The following GNG4 variants were observed in gnomAD, a reference collection of about 807,000 sequenced individuals.
GNG4 encodes the protein guanine nucleotide-binding protein G(I)/G(S)/G(O) subunit gamma-4.
GNG4 carries 4 observed loss-of-function variants against 5.8 expected under a neutral mutation model. That is an observed-to-expected ratio of 0.69 (90% CI 0.34 to 1.57). GNG4 has a LOEUF of 1.57. Ranked by LOEUF, GNG4 falls within the 40% of genes most tolerant of loss-of-function variation. The pLI is 0.06. For missense variants in GNG4, 96 were observed against 95.1 expected (o/e 1.01, Z -0.04); for synonymous variants, 29 against 32.9 (o/e 0.88, Z 0.41).
Position 235,575,376 on chromosome 1 carries a change from G to A in GNG4, c.99+8364C>T, listed in dbSNP as rs897258207. ...GAGAGGTAGCCCCATTGTAAGTCAA[G>A]GGCCATGTGTAGCCAGTTCTCCTGC... On this transcript the variant is annotated intron_variant, in intron 3 of 3. Coordinates refer to ENST00000391854, the MANE Select transcript of GNG4 (RefSeq NM_001098722.2). 1.5e-4 allele frequency among the ~76,000 whole-genome samples: 23 copies of A among 152,262 alleles called. 1 individual carries two copies. Among genetic ancestry groups the A allele is most frequent in the Admixed American group, 8.5e-4 (13 of 15,300 alleles).
intron 1 of GNG4, among the ~76,000 whole-genome samples, chr1:235,596,399 T>C (rs1320388825): frequency 1.3e-5 from 2 of 151,934 alleles, no homozygotes; most frequent in Admixed American, 1.3e-4. Flanking sequence ...TAGCCAGGCG[T>C]GGTGGCACAT....
At chr1:235,637,473 C>T (rs757195837) in intron 1 of GNG4, among the ~76,000 whole-genome samples, 3 of 151,274 alleles carry the variant, frequency 2.0e-5, no homozygotes, top group Non-Finnish European at 4.4e-5. Context: ...GGCAACATGG[C>T]GAAACCCCTT....
chr1:235,553,149 C>A (rs1371853254), intron 3 of GNG4, among the ~76,000 whole-genome samples: 1 of 152,168 alleles, frequency 6.6e-6, no homozygotes, highest in Non-Finnish European at 1.5e-5. Context: ...TCTTTCCAGG[C>A]TTATCTGAAG....
chr1:235,645,420 A>G (rs1288274956), intron 1 of GNG4, among the ~76,000 whole-genome samples: 1 of 152,232 alleles, frequency 6.6e-6, no homozygotes. Flanking sequence ...GTGGGACACC[A>G]GAAGAAACAA....
At chr1:235,623,985 C>T (rs568039803) in intron 1 of GNG4, among the ~76,000 whole-genome samples, 4 of 152,290 alleles carry the variant, frequency 2.6e-5, no homozygotes, top group East Asian at 3.9e-4. Context: ...GAGCCGAAGA[C>T]GGAGGGTCCT....
intron 1 of GNG4, among the ~76,000 whole-genome samples, chr1:235,609,771 G>A (rs943292052): frequency 1.3e-5 from 2 of 151,956 alleles, no homozygotes; most frequent in Non-Finnish European, 2.9e-5. Flanking sequence ...GCCGGGTGTG[G>A]TGGCACACAC....
At position 235,630,406 on chromosome 1, in the gene GNG4, A is replaced by G. The variant is rs115914018; in HGVS notation, c.-123+19256T>C. On this transcript the variant is annotated intron_variant, in intron 1 of 3. Transcript: ENST00000391854. Reference sequence around the variant, plus strand: ...AGCAGCCTGTGACTCAACTACTTGAATAATCAAGACCAACAGCCTGATGAT... The same window carrying G: ...AGCAGCCTGTGACTCAACTACTTGAGTAATCAAGACCAACAGCCTGATGAT... Among the ~76,000 whole-genome samples, 678 of 152,352 alleles carry G rather than the reference A, an allele frequency of 4.5e-3. 7 individuals carry two copies. The highest frequency in any genetic ancestry group is 0.016 in the African/African-American group (653 of 41,580).
At chr1:235,625,828 A>G (rs1383663227) in intron 1 of GNG4, among the ~76,000 whole-genome samples, 1 of 152,178 alleles carries the variant, frequency 6.6e-6, no homozygotes, top group Non-Finnish European at 1.5e-5. Context: ...TTATTTATCC[A>G]TTCACCTACT....
chr1:235,575,868 G>A (rs1337256336), intron 3 of GNG4, among the ~76,000 whole-genome samples: 1 of 152,162 alleles, frequency 6.6e-6, no homozygotes, highest in Non-Finnish European at 1.5e-5. Context: ...CCTGTGTCCT[G>A]ACTCTGCCTG....
At chr1:235,568,386 A>G (rs571594965) in intron 3 of GNG4, among the ~76,000 whole-genome samples, 2 of 152,206 alleles carry the variant, frequency 1.3e-5, no homozygotes, top group African/African-American at 4.8e-5. Flanking sequence ...CTTTTGACTG[A>G]GCAGGCATTT....
chr1:235,552,130 C>T lies in GNG4; in HGVS notation c.207G>A (p.Lys69=), dbSNP rs1224282384. 6.2e-7 allele frequency: 1 copy of T among 1,613,806 alleles called. No homozygotes were observed. The highest frequency in any genetic ancestry group is 8.5e-7 in the Non-Finnish European group (1 of 1,179,746). The change falls in exon 4 of 4, where the codon AAG becomes AAA. Residue 69 remains lysine (K), a synonymous_variant. Transcript: ENST00000391854. The part of the protein sequence containing the change: ...PASENPFREK[K]FFCTIL ...GGAGTTAGAGAATGGTACAAAAGAA[C>T]TTCTTCTCGCGAAAGGGGTTTTCTG...
rs533877341 is a variant in GNG4, at chr1:235,581,493, C to T, written c.99+2247G>A. 5.3e-5 allele frequency among the ~76,000 whole-genome samples: 8 copies of T among 150,880 alleles called. No individual in the cohort carries two copies. In the East Asian group the frequency reaches 9.7e-4, roughly 18 times the overall value. On this transcript the variant is annotated intron_variant, in intron 3 of 3. Transcript: ENST00000391854. ...GCAGTGAGCCGAGATCACACCTGGG[C>T]GACAGAGCGAGACTCCGTCTCAAAA...
At chr1:235,593,586 A>T (rs952709106) in intron 2 of GNG4, among the ~76,000 whole-genome samples, 1 of 152,196 alleles carries the variant, frequency 6.6e-6, no homozygotes, top group Admixed American at 6.5e-5. Flanking sequence ...CCGCGCCGTG[A>T]GTGTTACAAT....
At chr1:235,626,958 C>CAAAAAA (rs776506587) in intron 1 of GNG4, among the ~76,000 whole-genome samples, 106 of 77,344 alleles carry the variant, frequency 1.4e-3, no homozygotes, top group Non-Finnish European at 1.9e-3. Flanking sequence ...GACTCTATCT[C>CAAAAAA]AAAAAAAAAA....
intron 1 of GNG4, among the ~76,000 whole-genome samples, chr1:235,634,471 A>G (rs148979136): frequency 9.8e-5 from 15 of 152,314 alleles, no homozygotes; most frequent in African/African-American, 3.4e-4. Flanking sequence ...TTTTCTATCA[A>G]CCGAGGGTCT....
intron 2 of GNG4, among the ~76,000 whole-genome samples, chr1:235,590,412 G>A (rs911112707): frequency 2.0e-5 from 3 of 151,822 alleles, no homozygotes; most frequent in Non-Finnish European, 4.4e-5. Flanking sequence ...CCGAGATTGC[G>A]CCACTGCACT....
At chr1:235,633,738 C>T (rs1344974286) in intron 1 of GNG4, among the ~76,000 whole-genome samples, 3 of 152,176 alleles carry the variant, frequency 2.0e-5, no homozygotes, top group South Asian at 4.1e-4. Flanking sequence ...ATCCTCCCAC[C>T]TCAGCCTCCC....
chr1:235,553,911 A>G (rs1202079660), intron 3 of GNG4, among the ~76,000 whole-genome samples: 3 of 152,218 alleles, frequency 2.0e-5, no homozygotes, highest in African/African-American at 7.2e-5. Context: ...TAAGACGTCT[A>G]TGATTCTACC....
intron 3 of GNG4, among the ~76,000 whole-genome samples, chr1:235,558,976 T>A (rs1327164685): frequency 6.6e-6 from 1 of 152,218 alleles, no homozygotes; most frequent in East Asian, 1.9e-4. Context: ...TGCACTATAA[T>A]TACAAGCTTC....
Sources: allele counts gnomAD v4.1 joint callset (sites outside exome capture counted in the v4.1 genomes callset), GRCh38; gene constraint gnomAD v4.1.1; transcripts MANE v1.5; gene names NCBI Gene and HGNC (gene_info 2026-07-23, HGNC 2026-07-21).